The following NR2F1-AS1 variants were observed in gnomAD, a reference collection of about 807,000 sequenced individuals.
NR2F1-AS1 encodes NR2F1 regulatory antisense RNA 1.
chr5:93,542,593 AT>A (rs1426978869), intron 4 of NR2F1-AS1: 2 of 152,184 alleles, frequency 1.3e-5, no homozygotes, highest in Admixed American at 6.5e-5. Context: ...AAAATGCAGA[AT>A]TTTTTTAAAT....
intron 4 of NR2F1-AS1, chr5:93,541,808 T>C (rs1751956060): frequency 6.6e-6 from 1 of 151,106 alleles, no homozygotes; most frequent in South Asian, 2.1e-4. Context: ...AGGAATCAAA[T>C]AAGGAAAGCA....
chr5:93,409,864 C>T (rs986340901), intron 4 of NR2F1-AS1: 5 of 152,186 alleles, frequency 3.3e-5, no homozygotes, highest in African/African-American at 1.2e-4. Context: ...GGAAATAGCA[C>T]TTACACAATG....
chr5:93,470,985 G>A (rs976404406), intron 4 of NR2F1-AS1, among the ~76,000 whole-genome samples: 1 of 151,640 alleles, frequency 6.6e-6, no homozygotes. Context: ...TGTCAAACTG[G>A]TATACTAGTT....
At chr5:93,421,780 T>C (rs932940043) in intron 4 of NR2F1-AS1, among the ~76,000 whole-genome samples, 7 of 152,168 alleles carry the variant, frequency 4.6e-5, no homozygotes, top group Non-Finnish European at 1.0e-4. Flanking sequence ...TGAGATTGGT[T>C]CTCCTGACAG....
intron 4 of NR2F1-AS1, among the ~76,000 whole-genome samples, chr5:93,464,648 A>G (rs1750185545): frequency 6.6e-6 from 1 of 152,250 alleles, no homozygotes; most frequent in Non-Finnish European, 1.5e-5. Context: ...TAACTAATCA[A>G]GTACTTGAAG....
chr5:93,490,702 T>C lies in NR2F1-AS1; in HGVS notation n.638+63059A>G, dbSNP rs1580271698. The stretch of plus-strand genomic sequence containing the variant: ...ATGGGAGTGGTGCTGGTGGTAGTGA[T>C]AGCAATGGTGGTGGTGGTTGTTCCT... On this transcript the variant is annotated intron_variant and non_coding_transcript_variant, in intron 4 of 5. Transcript: ENST00000660523. Among the ~76,000 whole-genome samples the C allele has an allele frequency of 2.0e-5, 3 of 150,924 alleles. No individual in the cohort carries two copies. The East Asian group carries it at 5.9e-4, about 30-fold the overall frequency.
intron 1 of NR2F1-AS1, among the ~76,000 whole-genome samples, chr5:93,572,594 C>A (rs973360370): frequency 2.0e-5 from 3 of 152,324 alleles, no homozygotes; most frequent in Middle Eastern, 3.4e-3. Flanking sequence ...CCCAGCCCTG[C>A]GAGCCAGGGC....
intron 4 of NR2F1-AS1, among the ~76,000 whole-genome samples, chr5:93,518,647 T>G (rs1751443616): frequency 6.6e-6 from 1 of 152,134 alleles, no homozygotes; most frequent in African/African-American, 2.4e-5. Flanking sequence ...CAGATATAAT[T>G]ACATTTCTCA....
At chr5:93,460,743 C>A (rs1035774132) in intron 4 of NR2F1-AS1, among the ~76,000 whole-genome samples, 1 of 152,138 alleles carries the variant, frequency 6.6e-6, no homozygotes, top group East Asian at 1.9e-4. Flanking sequence ...TGTTCAACAT[C>A]ACTGATCATT....
chr5:93,469,252 G>A (rs1313396955), intron 4 of NR2F1-AS1, among the ~76,000 whole-genome samples: 2 of 152,048 alleles, frequency 1.3e-5, no homozygotes, highest in African/African-American at 4.8e-5. Flanking sequence ...AGGATATATG[G>A]TATGGCCTAT....
intron 4 of NR2F1-AS1, among the ~76,000 whole-genome samples, chr5:93,481,634 T>C (rs1333669038): frequency 6.6e-6 from 1 of 152,034 alleles, no homozygotes; most frequent in Non-Finnish European, 1.5e-5. Flanking sequence ...TGAAACATTC[T>C]CCAGAATAAA....
At chr5:93,490,422 T>C (rs1391340749) in intron 4 of NR2F1-AS1, among the ~76,000 whole-genome samples, 1 of 152,052 alleles carries the variant, frequency 6.6e-6, no homozygotes, top group Non-Finnish European at 1.5e-5. Flanking sequence ...GTGGTGGTGG[T>C]GGTGGTCATG....
Position 93,446,918 on chromosome 5 carries a change from T to C in NR2F1-AS1, n.639-51376A>G, listed in dbSNP as rs7728368. ...ATACCACACATCTACAACCATCTGA[T>C]CTTTGACAAACCTGACAAAAACAAG... is the stretch of plus-strand genomic sequence containing the variant. On this transcript the variant is annotated intron_variant and non_coding_transcript_variant, in intron 4 of 5. Transcript: ENST00000660523. Among the ~76,000 whole-genome samples the C allele has an allele frequency of 4.4e-3, 677 of 152,246 alleles. 5 individuals carry two copies. The highest frequency in any genetic ancestry group is 0.016 in the African/African-American group (660 of 41,542).
chr5:93,428,659 T>C (rs550977274), intron 4 of NR2F1-AS1, among the ~76,000 whole-genome samples: 99 of 152,286 alleles, frequency 6.5e-4, no homozygotes, highest in Non-Finnish European at 1.2e-3. Flanking sequence ...TGTCTTATAA[T>C]AGAAAATGTT....
At chr5:93,487,152 C>A (rs1014821159) in intron 4 of NR2F1-AS1, among the ~76,000 whole-genome samples, 6 of 152,106 alleles carry the variant, frequency 3.9e-5, no homozygotes, top group African/African-American at 1.2e-4. Flanking sequence ...ACTGAATGGG[C>A]AAAAGCTGGA....
chr5:93,529,400 A>T lies in NR2F1-AS1; in HGVS notation n.638+24361T>A, dbSNP rs1751688068. On this transcript the variant is annotated intron_variant and non_coding_transcript_variant, in intron 4 of 5. Coordinates refer to ENST00000660523, the Ensembl canonical transcript of NR2F1-AS1. The stretch of plus-strand genomic sequence containing the variant: ...CCACCACTGTCTTAGTAACGCTTGG[A>T]TTACAGACATAGTGAAAAATTTGGT... 4.6e-5 allele frequency among the ~76,000 whole-genome samples: 7 copies of T among 152,288 alleles called. No individual in the cohort carries two copies. In the South Asian group the frequency reaches 1.4e-3, roughly 32 times the overall value.
chr5:93,484,401 T>C (rs1429985195), intron 4 of NR2F1-AS1, among the ~76,000 whole-genome samples: 1 of 152,146 alleles, frequency 6.6e-6, no homozygotes, highest in Non-Finnish European at 1.5e-5. Context: ...AAGCAAATGC[T>C]GAGAGATTTT....
intron 1 of NR2F1-AS1, among the ~76,000 whole-genome samples, chr5:93,568,458 A>G (rs1426873929): frequency 6.6e-6 from 1 of 152,222 alleles, no homozygotes; most frequent in East Asian, 1.9e-4. Flanking sequence ...GGCAAGAACT[A>G]CAAAGTCACA....
intron 4 of NR2F1-AS1, among the ~76,000 whole-genome samples, chr5:93,527,772 G>A (rs190905227): frequency 5.1e-4 from 78 of 152,306 alleles, no homozygotes; most frequent in African/African-American, 1.7e-3. Context: ...AATAAATGGT[G>A]TTGGGAAAAC....
Sources: gnomAD v4.1 joint callset for allele counts (sites outside exome capture counted in the v4.1 genomes callset) on GRCh38, gnomAD v4.1.1 for gene constraint, MANE v1.5 for transcripts, NCBI Gene and HGNC (gene_info 2026-07-23, HGNC 2026-07-21) for gene names.